PITPNM2: variants seen among roughly 807,000 people sequenced by gnomAD.
PITPNM2 encodes phosphatidylinositol transfer protein membrane associated 2.
A neutral mutation model predicts 132.2 loss-of-function variants in PITPNM2; 35 were observed. That is an observed-to-expected ratio of 0.26 (90% CI 0.20 to 0.35). The LOEUF (loss-of-function observed/expected upper bound fraction) is 0.35, where lower values mean the gene tolerates loss of function less well. PITPNM2 is among the 10% of genes least tolerant of loss of function. The probability of loss-of-function intolerance (pLI) is 1.00; values close to 1 mark genes in which losing one functional copy is unlikely to be tolerated. For synonymous variants in PITPNM2, 738 were observed against 799.2 expected, an observed-to-expected ratio of 0.92 and a Z score of 1.29; for missense variants, 1,332 against 1,912.0, an observed-to-expected ratio of 0.70 and a Z score of 5.66.
rs965146560 is a variant in PITPNM2 at position 123,008,530 on chromosome 12, T to G, written c.643+1320A>C. Among the ~76,000 whole-genome samples, 8 of 152,182 alleles carry G rather than the reference T, an allele frequency of 5.3e-5. No individual in the cohort carries two copies. Among genetic ancestry groups the G allele is most frequent in the Non-Finnish European group, 1.0e-4 (7 of 68,026 alleles). Reference sequence around the variant, plus strand: ...GAACCACCATTCCCATTTTGAGGCTTCAGCACTGGGGTTGCAGGTCCCAGT... The same window carrying G: ...GAACCACCATTCCCATTTTGAGGCTGCAGCACTGGGGTTGCAGGTCCCAGT... On this transcript the variant is annotated intron_variant, in intron 6 of 25. Coordinates refer to ENST00000320201, the MANE Select transcript of PITPNM2 (RefSeq NM_020845.3). The surrounding 1 kb of genome is among the most constrained non-coding windows in gnomAD (Gnocchi z 4.1).
intron 1 of PITPNM2, among the ~76,000 whole-genome samples, chr12:123,110,931 C>T (rs1320795454): frequency 6.6e-6 from 1 of 152,226 alleles, no homozygotes; most frequent in African/African-American, 2.4e-5. Flanking sequence ...GAGAGGATGG[C>T]GTCCTGATGC....
intron 2 of PITPNM2, among the ~76,000 whole-genome samples, chr12:123,073,457 C>T (rs2041678559): frequency 6.6e-6 from 1 of 152,166 alleles, no homozygotes; most frequent in South Asian, 2.1e-4. Flanking sequence ...ACAGGTGGTT[C>T]ATCTCCTAGC....
chr12:123,066,179 T>C (rs1051777355), intron 2 of PITPNM2, among the ~76,000 whole-genome samples: 2 of 152,114 alleles, frequency 1.3e-5, no homozygotes, highest in Non-Finnish European at 2.9e-5. Flanking sequence ...ATGTGCCCAG[T>C]GATGTATCCG....
intron 9 of PITPNM2, 32 bp downstream of exon 9, chr12:123,001,022 C>A (rs1396665437): frequency 6.3e-7 from 1 of 1,598,650 alleles, no homozygotes; most frequent in Non-Finnish European, 8.6e-7. Flanking sequence ...ACCGCCCTCC[C>A]CAGGCTCTGC....
intron 1 of PITPNM2, among the ~76,000 whole-genome samples, chr12:123,124,033 A>T (rs1218776441): frequency 2.0e-5 from 3 of 152,116 alleles, no homozygotes; most frequent in East Asian, 3.9e-4. Context: ...ACGCGGGCAG[A>T]TCATGAGGTT....
In PITPNM2 at chr12:123,131,974, C is replaced by T. The variant is rs982471968; in HGVS notation, c.-200+18779G>A. 3.9e-5 allele frequency among the ~76,000 whole-genome samples: 6 copies of T among 152,316 alleles called. No individual in the cohort carries two copies. In the South Asian group the frequency reaches 1.0e-3, roughly 26 times the overall value. The stretch of plus-strand genomic sequence containing the variant: ...CCTGCTCAGGATCCCACAACATGTC[C>T]GTGGCAGAACCCTGCTCCACATTCA... On this transcript the variant is annotated intron_variant, in intron 1 of 25. Transcript: ENST00000320201.
chr12:123,046,626 C>T (rs933668788), intron 2 of PITPNM2, among the ~76,000 whole-genome samples: 16 of 152,180 alleles, frequency 1.1e-4, no homozygotes, highest in African/African-American at 3.6e-4. Context: ...CTGGCACCCA[C>T]TAAGCTGCTT....
chr12:123,034,415 C>T, intron 3 of PITPNM2, 98 bp downstream of exon 3: 3 of 1,137,562 alleles, frequency 2.6e-6, no homozygotes, highest in Non-Finnish European at 3.9e-6. Flanking sequence ...GCAGGCACTG[C>T]ACTGTGAAGG....
At chr12:123,127,828 A>C (rs375214673) in intron 1 of PITPNM2, among the ~76,000 whole-genome samples, 92 of 152,166 alleles carry the variant, frequency 6.0e-4, no homozygotes, top group East Asian at 2.1e-3. Flanking sequence ...CCAGGATGGT[A>C]TCAATCTCCT....
intron 2 of PITPNM2, chr12:123,092,259 T>A (rs2042287647): frequency 6.6e-6 from 1 of 152,198 alleles, no homozygotes; most frequent in Non-Finnish European, 1.5e-5. Context: ...ATAAAAGGAC[T>A]CCAGTCTGGC....
At chr12:123,119,694 C>A (rs769378409) in intron 1 of PITPNM2, among the ~76,000 whole-genome samples, 1 of 152,064 alleles carries the variant, frequency 6.6e-6, no homozygotes, top group Non-Finnish European at 1.5e-5. Flanking sequence ...ATGAAAATTT[C>A]TTCGTTCCAT....
At chr12:123,127,580 C>G (rs944565830) in intron 1 of PITPNM2, among the ~76,000 whole-genome samples, 38 of 151,332 alleles carry the variant, frequency 2.5e-4, no homozygotes, top group Non-Finnish European at 7.4e-5. Context: ...AACCTCCTAT[C>G]TGAGAGTTAT....
chr12:122,989,888 GGCAGGGCGA>G lies in PITPNM2; in HGVS notation c.2621_2629del (p.Leu874_Leu876del), dbSNP rs1289501336. 35 of 1,328,588 alleles carry G rather than the reference GGCAGGGCGA, an allele frequency of 2.6e-5. No homozygotes were observed. Among genetic ancestry groups the G allele is most frequent in the Non-Finnish European group, 3.1e-5 (32 of 1,035,258 alleles). The allele number at this position is 1,328,588 out of a possible 1,614,324, so 82.3% of individuals were successfully genotyped here. On this transcript the variant is annotated inframe_deletion, in exon 18 of 26. Coordinates refer to ENST00000320201, the MANE Select transcript of PITPNM2 (RefSeq NM_020845.3). Reference sequence around the variant, plus strand: ...GCCAGGGGTGGTGGGGCTGGGGGCGGGCAGGGCGAGCAGGGACAGACGCCTGACGCTGGG... The same window carrying G: ...GCCAGGGGTGGTGGGGCTGGGGGCGGGCAGGGACAGACGCCTGACGCTGGG...
In PITPNM2 at chr12:123,150,706, G is replaced by A. The variant is rs980228719; in HGVS notation, c.-200+47C>T. On this transcript the variant is annotated intron_variant, in intron 1 of 25. Coordinates refer to ENST00000320201, the MANE Select transcript of PITPNM2 (RefSeq NM_020845.3). This position sits in a 1 kb window ranked among gnomAD's most constrained non-coding sequence, Gnocchi z 6.0. ...AGGTCCCCGGCCAGCGCCCGGCACT[G>A]CGGGACTCACCGCGGGCCTGCGGAG... Among the ~76,000 whole-genome samples, 6 of 150,850 alleles carry A rather than the reference G, an allele frequency of 4.0e-5. No homozygotes were observed. Among genetic ancestry groups the A allele is most frequent in the Non-Finnish European group, 8.9e-5 (6 of 67,670 alleles).
At position 122,986,648 on chromosome 12, in the gene PITPNM2, C is replaced by T. The variant is rs572507909; in HGVS notation, c.3595G>A (p.Glu1199Lys). Residue 1199 changes from glutamate (E) to lysine (K), a missense_variant and splice_region_variant, in exon 24 of 26, where the codon GAG becomes AAG. By Grantham distance (56) the Glu-to-Lys change is moderately conservative (BLOSUM62 1). Transcript: ENST00000320201. The stretch of plus-strand genomic sequence containing the variant: ...TGCCCCATCCTCCCGGGCCCCACCT[C>T]GGAGATGAGCAGCTTCAGGAAGTTG... ...KANFLKLLIS[E>K]LHLRVHAAYG... 37 of 1,612,226 alleles carry T rather than the reference C, an allele frequency of 2.3e-5. No homozygotes were observed. The highest frequency in any genetic ancestry group is 1.3e-4 in the South Asian group (12 of 91,042).
intron 2 of PITPNM2, among the ~76,000 whole-genome samples, chr12:123,104,595 T>G (rs1016135554): frequency 6.6e-6 from 1 of 152,082 alleles, no homozygotes; most frequent in African/African-American, 2.4e-5. Context: ...CTGAGCACCT[T>G]GCGACCCCCA....
At chr12:123,043,950 A>C (rs1049160921) in intron 2 of PITPNM2, among the ~76,000 whole-genome samples, 19 of 151,774 alleles carry the variant, frequency 1.3e-4, no homozygotes, top group Non-Finnish European at 1.8e-4. Flanking sequence ...CATGGCATGA[A>C]GGAGAATTAT....
intron 2 of PITPNM2, among the ~76,000 whole-genome samples, chr12:123,051,246 A>G (rs1399699838): frequency 6.6e-6 from 1 of 152,242 alleles, no homozygotes; most frequent in Non-Finnish European, 1.5e-5. Context: ...TTCGTGAGCC[A>G]CTTGACTGGC....
intron 2 of PITPNM2, chr12:123,092,444 G>A (rs980443890): frequency 2.6e-5 from 4 of 152,238 alleles, no homozygotes; most frequent in Non-Finnish European, 4.4e-5. Flanking sequence ...GCCTCAAACA[G>A]GATTACTAAA....
Sources: gnomAD v4.1 joint callset for allele counts (sites outside exome capture counted in the v4.1 genomes callset) on GRCh38, gnomAD v4.1.1 for gene constraint, Gnocchi (gnomAD v3.1) non-coding constraint, MANE v1.5 for transcripts, NCBI Gene and HGNC (gene_info 2026-07-23, HGNC 2026-07-21) for gene names.